Variants in FMNL2 observed in about 807,000 individuals in gnomAD.
The protein encoded by FMNL2 is formin-like protein 2.
A neutral mutation model predicts 130.2 loss-of-function variants in FMNL2; 51 were observed. That is an observed-to-expected ratio of 0.39 (90% confidence interval 0.31 to 0.49). The LOEUF (loss-of-function observed/expected upper bound fraction) is 0.49. Ranked by LOEUF, FMNL2 falls within the 20% of genes least tolerant of loss-of-function variation. The pLI is 0.85. For synonymous variants in FMNL2, 465 were observed against 467.1 expected (o/e 1.00, Z 0.06); for missense variants, 977 against 1,316.2 (o/e 0.74, Z 3.99).
At chr2:152,408,094 G>A (rs1020928962) in intron 1 of FMNL2, among the ~76,000 whole-genome samples, 1 of 152,170 alleles carries the variant, frequency 6.6e-6, no homozygotes, top group South Asian at 2.1e-4. Context: ...CTGGTAGGTG[G>A]ATTAGTGTTG....
intron 15 of FMNL2, among the ~76,000 whole-genome samples, chr2:152,624,052 TC>T (rs1559019494): frequency 1.8e-4 from 1 of 5,616 alleles, no homozygotes; most frequent in Non-Finnish European, 3.1e-4. Context: ...TTCCCTCCCC[TC>T]CCCTCCCCTC....
At chr2:152,592,329 G>T (rs1697486576) in intron 9 of FMNL2, among the ~76,000 whole-genome samples, 2 of 152,156 alleles carry the variant, frequency 1.3e-5, no homozygotes. Flanking sequence ...ATGAATGTGT[G>T]TATTGAGCTT....
At chr2:152,410,723 G>T (rs1248752547) in intron 1 of FMNL2, among the ~76,000 whole-genome samples, 1 of 152,154 alleles carries the variant, frequency 6.6e-6, no homozygotes, top group Non-Finnish European at 1.5e-5. Context: ...GTGAATGCTT[G>T]AACCTTTTTA....
chr2:152,607,215 A>G, intron 9 of FMNL2, 124 bp from the exon 10 acceptor site: 1 of 775,784 alleles, frequency 1.3e-6, no homozygotes, highest in South Asian at 1.7e-5. Flanking sequence ...AAGGGAAGTA[A>G]ATAGTTTATG....
chr2:152,406,059 A>ACT lies in FMNL2; in HGVS notation c.117+70340_117+70341insTC, dbSNP rs35651043. Among the ~76,000 whole-genome samples, 1,394 of 152,314 alleles carry ACT rather than the reference A, an allele frequency of 9.2e-3. 17 individuals are homozygous for ACT. The highest frequency in any genetic ancestry group is 0.027 in the African/African-American group (1,108 of 41,570). ...CAAGGTATATATATCTCTTGTGACT[A>ACT]CAAAAGGAGGCTGGATTAGATTAGT... is the stretch of plus-strand genomic sequence containing the variant. On this transcript the variant is annotated intron_variant, in intron 1 of 25. Transcript: ENST00000288670.
chr2:152,476,276 T>TA (rs1690148001), intron 1 of FMNL2, among the ~76,000 whole-genome samples: 2 of 152,270 alleles, frequency 1.3e-5, no homozygotes. Flanking sequence ...ATATTTGTAT[T>TA]ACTTAAAGCA....
At position 152,542,763 on chromosome 2, in the gene FMNL2, C is replaced by T; in HGVS notation, c.226C>T (p.Pro76Ser). 1 of 1,614,082 alleles carries T rather than the reference C, an allele frequency of 6.2e-7. No homozygotes were observed. Among genetic ancestry groups the T allele is most frequent in the East Asian group, 2.2e-5 (1 of 44,872 alleles). The change falls in exon 3 of 26, where the codon CCC (proline) becomes TCC (serine). Residue 76 changes from proline (P) to serine (S), a missense_variant. Pro to Ser is a moderately conservative substitution (Grantham distance 74). This residue lies in a region of FMNL2 where 117 missense variants were observed against 134.9 expected (regional missense o/e 0.87). Coordinates refer to ENST00000288670, the MANE Select transcript of FMNL2 (RefSeq NM_052905.4). ...GGAACGATTCCAGGTGAAGAATCCT[C>T]CCCATACATACATTCAAAAGCTCAA... ...DQERFQVKNP[P>S]HTYIQKLKGY...
intron 6 of FMNL2, among the ~76,000 whole-genome samples, chr2:152,567,635 G>A (rs1230878939): frequency 6.6e-6 from 1 of 152,122 alleles, no homozygotes; most frequent in Non-Finnish European, 1.5e-5. Flanking sequence ...TAAGAAAGAG[G>A]AAACCTAAAA....
rs1294277411 is a variant in FMNL2, at chr2:152,614,881, C to G, written c.1093C>G (p.Gln365Glu). 1.9e-6 allele frequency: 3 copies of G among 1,612,786 alleles called. No homozygotes were observed. The highest frequency in any genetic ancestry group is 2.5e-6 in the Non-Finnish European group (3 of 1,179,582). Residue 365 changes from glutamine to glutamate, a missense_variant, in exon 12 of 26, where the codon CAA becomes GAA. Around this residue, in one of 4 missense-constraint regions of FMNL2, gnomAD observed 689 missense variants for 995.9 expected, o/e 0.69. Transcript: ENST00000288670. Reference protein sequence around the residue: ...KLKHTESDKLQVQIQAYLDNV... With the variant: ...KLKHTESDKLEVQIQAYLDNV... Reference sequence around the variant, plus strand: ...GAAACACACTGAGAGTGACAAGCTTCAAGTCCAGATCCAGGCTTACCTGGA... The same window carrying G: ...GAAACACACTGAGAGTGACAAGCTTGAAGTCCAGATCCAGGCTTACCTGGA...
chr2:152,428,946 A>C (rs1687337040), intron 1 of FMNL2, among the ~76,000 whole-genome samples: 1 of 152,132 alleles, frequency 6.6e-6, no homozygotes, highest in Admixed American at 6.6e-5. Flanking sequence ...GTTCTCACTT[A>C]CAAGTGGGAG....
chr2:152,506,094 G>A (rs762324654), intron 1 of FMNL2, among the ~76,000 whole-genome samples: 22 of 152,114 alleles, frequency 1.4e-4, no homozygotes, highest in African/African-American at 4.6e-4. Flanking sequence ...AGGGTGCTGC[G>A]TACTATGTGA....
rs1159445742 is a variant in FMNL2 at position 152,636,954 on chromosome 2, TAC to T, written c.2844+367_2844+368del. 4.6e-5 allele frequency among the ~76,000 whole-genome samples: 7 copies of T among 152,284 alleles called. No homozygotes were observed. The East Asian group carries it at 1.4e-3, about 29-fold the overall frequency. ...CTGTAGATCTTGTCCTTGAAAATCTTACACTATACTGGGGGTTGCTGATAGAT... is the reference window on the plus strand; with the variant it reads ...CTGTAGATCTTGTCCTTGAAAATCTTACTATACTGGGGGTTGCTGATAGAT... On this transcript the variant is annotated intron_variant, in intron 22 of 25. Transcript: ENST00000288670.
chr2:152,572,983 C>A (rs185865347), intron 6 of FMNL2, among the ~76,000 whole-genome samples: 1 of 152,118 alleles, frequency 6.6e-6, no homozygotes, highest in African/African-American at 2.4e-5. Context: ...TAAGTTGAGT[C>A]CTTTGAAAGT....
In FMNL2 at chr2:152,482,698, A is replaced by G. The variant is rs77587092; in HGVS notation, c.118-39245A>G. On this transcript the variant is annotated intron_variant, in intron 1 of 25. Transcript: ENST00000288670. ...GGGAATAATCATTGCTACCTATCTCATAGGGCAGTAGTGAGACTCAAATGA... is the reference window on the plus strand; with the variant it reads ...GGGAATAATCATTGCTACCTATCTCGTAGGGCAGTAGTGAGACTCAAATGA... 8.7e-3 allele frequency among the ~76,000 whole-genome samples: 1,326 copies of G among 152,248 alleles called. 18 individuals carry two copies. Among genetic ancestry groups the G allele is most frequent in the African/African-American group, 0.03 (1,258 of 41,528 alleles).
intron 1 of FMNL2, among the ~76,000 whole-genome samples, chr2:152,476,529 C>T (rs984251327): frequency 1.3e-5 from 2 of 151,836 alleles, no homozygotes; most frequent in Non-Finnish European, 2.9e-5. Context: ...AAAAATTAGT[C>T]GGGCATGGTG....
In FMNL2 at chr2:152,335,309, G is replaced by T; in HGVS notation, c.-295G>T. ...GGGGCCGCGATCTCTGGCAGGGGGC[G>T]GTGTGCCAGCGGAGCACCATGCACA... On this transcript the variant is annotated 5_prime_UTR_variant, in exon 1 of 26. Transcript: ENST00000288670. 1 of 181,636 alleles carries T rather than the reference G, an allele frequency of 5.5e-6. No individual in the cohort carries two copies. The highest frequency in any genetic ancestry group is 1.1e-5 in the Non-Finnish European group (1 of 88,342). 11.3% of individuals were successfully genotyped at this position (181,636 alleles called of 1,614,324 possible).
intron 1 of FMNL2, among the ~76,000 whole-genome samples, chr2:152,440,155 A>G (rs1275316232): frequency 2.6e-5 from 4 of 152,074 alleles, no homozygotes; most frequent in Non-Finnish European, 5.9e-5. Flanking sequence ...AGGTCTCGCT[A>G]TGTTGCCCAG....
At chr2:152,344,530 A>G (rs1682002144) in intron 1 of FMNL2, among the ~76,000 whole-genome samples, 2 of 152,248 alleles carry the variant, frequency 1.3e-5, no homozygotes, top group South Asian at 4.1e-4. Context: ...AATACAGAAG[A>G]AAAGGATAAA....
chr2:152,344,335 C>A (rs1681985819), intron 1 of FMNL2, among the ~76,000 whole-genome samples: 2 of 151,912 alleles, frequency 1.3e-5, no homozygotes, highest in Non-Finnish European at 2.9e-5. Flanking sequence ...TTCTTCCTAC[C>A]CCAAAGACCA....
Sources: gnomAD v4.1 joint callset for allele counts (sites outside exome capture counted in the v4.1 genomes callset) on GRCh38, gnomAD v4.1.1 for gene constraint, gnomAD v4.1.1 regional missense constraint, MANE v1.5 for transcripts, NCBI Gene and HGNC (gene_info 2026-07-23, HGNC 2026-07-21) for gene names.